The following SYT16 variants were observed in gnomAD, a reference collection of about 807,000 sequenced individuals.
SYT16 encodes the protein synaptotagmin 16.
In SYT16, 42 loss-of-function variants were observed where a neutral mutation model predicts 61.4. The ratio of observed to expected loss-of-function variants is 0.68; its 90% CI spans 0.53 to 0.89. SYT16 has a LOEUF of 0.89. Among genes scored for constraint, SYT16 ranks in the 40% least tolerant of loss-of-function variants. The pLI, the probability that SYT16 is intolerant of heterozygous loss-of-function variation, is 0.00. For missense variants in SYT16, 804 were observed against 807.3 expected, an observed-to-expected ratio of 1.00 and a Z score of 0.05; for synonymous variants, 314 against 302.3, an observed-to-expected ratio of 1.04 and a Z score of -0.40.
At chr14:62,064,334 GA>G (rs781727444) in intron 3 of SYT16, among the ~76,000 whole-genome samples, 2,298 of 42,966 alleles carry the variant, frequency 0.053, 8 homozygotes, top group Middle Eastern at 0.12. Flanking sequence ...CTTTAAATTT[GA>G]AAAAAAAAAA....
intron 1 of SYT16, among the ~76,000 whole-genome samples, chr14:61,966,795 T>C (rs1007306139): frequency 1.2e-4 from 18 of 152,238 alleles, no homozygotes; most frequent in African/African-American, 4.3e-4. Context: ...AATCATATCC[T>C]ATGTTGGTAG....
intron 3 of SYT16, among the ~76,000 whole-genome samples, chr14:62,017,542 T>C (rs2053739510): frequency 6.6e-6 from 1 of 152,200 alleles, no homozygotes; most frequent in Admixed American, 6.5e-5. Context: ...AGCAACTTCA[T>C]TCTTCTAGTT....
At chr14:62,091,686 C>T (rs1476442266) in intron 7 of SYT16, among the ~76,000 whole-genome samples, 3 of 152,064 alleles carry the variant, frequency 2.0e-5, no homozygotes, top group Non-Finnish European at 4.4e-5. Flanking sequence ...TTACCTAACA[C>T]CATATATAAA....
intron 4 of SYT16, among the ~76,000 whole-genome samples, chr14:62,073,709 CAT>C (rs2056381280): frequency 6.6e-6 from 1 of 151,972 alleles, no homozygotes; most frequent in Non-Finnish European, 1.5e-5. Flanking sequence ...TGGTTGATAA[CAT>C]ATTTTTAAAA....
chr14:61,936,069 TG>T, intron 1 of SYT16, among the ~76,000 whole-genome samples: 3 of 152,294 alleles, frequency 2.0e-5, no homozygotes, highest in Middle Eastern at 6.8e-3. Context: ...CTCTGAGATT[TG>T]AGATAAGTTT....
rs1056096378 is a variant in SYT16, at chr14:62,106,500, A to G, written c.*5793A>G. 6 of 152,334 alleles carry G rather than the reference A, an allele frequency of 3.9e-5. No individual in the cohort carries two copies. Among genetic ancestry groups the G allele is most frequent in the South Asian group, 2.1e-4 (1 of 4,820 alleles). 9.4% of individuals were successfully genotyped at this position (152,334 alleles called of 1,614,324 possible). A position where few individuals can be genotyped will look rare whatever the true frequency, so the allele number is the denominator to read the frequency against. On this transcript the variant is annotated 3_prime_UTR_variant, in exon 8 of 8. Coordinates refer to ENST00000683842, the MANE Select transcript of SYT16 (RefSeq NM_001367656.1). The stretch of plus-strand genomic sequence containing the variant: ...CTTGAAGTCTTGGTTCTGCTAAAGA[A>G]GAATGAGAGGACACCCATGAATATA...
intron 1 of SYT16, among the ~76,000 whole-genome samples, chr14:61,847,091 C>A (rs1348039599): frequency 1.3e-5 from 2 of 152,134 alleles, no homozygotes; most frequent in South Asian, 2.1e-4. Context: ...AGTTTACACA[C>A]CACAGTTAGA....
intron 7 of SYT16, among the ~76,000 whole-genome samples, chr14:62,097,401 A>G (rs997342663): frequency 6.6e-6 from 1 of 152,184 alleles, no homozygotes; most frequent in Non-Finnish European, 1.5e-5. Context: ...AGATTAAAAC[A>G]CAGCTTATTT....
chr14:61,842,676 CA>C (rs2046331403), intron 1 of SYT16, among the ~76,000 whole-genome samples: 1 of 148,968 alleles, frequency 6.7e-6, no homozygotes, highest in Non-Finnish European at 1.5e-5. Context: ...ATCGCAAGGA[CA>C]AAAAACCAAA....
intron 1 of SYT16, among the ~76,000 whole-genome samples, chr14:61,902,896 A>G (rs2048572698): frequency 6.6e-6 from 1 of 152,176 alleles, no homozygotes; most frequent in African/African-American, 2.4e-5. Flanking sequence ...GTATGGGGGA[A>G]ACTGCTCCCA....
chr14:61,912,254 A>G (rs1019684308), intron 1 of SYT16, among the ~76,000 whole-genome samples: 2 of 152,224 alleles, frequency 1.3e-5, no homozygotes, highest in African/African-American at 4.8e-5. Flanking sequence ...ATTATGCATG[A>G]AAAAGGGGGA....
At chr14:61,919,215 C>G (rs1388838882) in intron 1 of SYT16, among the ~76,000 whole-genome samples, 1 of 152,156 alleles carries the variant, frequency 6.6e-6, no homozygotes, top group Admixed American at 6.5e-5. Context: ...TGTTCCCTAC[C>G]CTGTCCCATT....
intron 4 of SYT16, among the ~76,000 whole-genome samples, chr14:62,070,721 T>A (rs1043376446): frequency 6.6e-6 from 1 of 152,162 alleles, no homozygotes; most frequent in African/African-American, 2.4e-5. Flanking sequence ...GTCTGTGAAG[T>A]GTATTTGGTA....
intron 3 of SYT16, among the ~76,000 whole-genome samples, chr14:62,050,695 G>T (rs2055237551): frequency 6.6e-6 from 1 of 152,176 alleles, no homozygotes; most frequent in South Asian, 2.1e-4. Flanking sequence ...CTAACAGTCA[G>T]GACCCTCAGC....
At position 61,885,634 on chromosome 14, in the gene SYT16, A is replaced by G. The variant is rs567631809; in HGVS notation, c.-325+72824A>G. Among the ~76,000 whole-genome samples the G allele has an allele frequency of 7.2e-5, 11 of 152,296 alleles. No homozygotes were observed. In the South Asian group the frequency reaches 1.2e-3, roughly 17 times the overall value. Reference sequence around the variant, plus strand: ...GTCTTACTTGATAGATATTATTTCTATTTACAGGCTTACTTTGGAGATATT... The same window carrying G: ...GTCTTACTTGATAGATATTATTTCTGTTTACAGGCTTACTTTGGAGATATT... On this transcript the variant is annotated intron_variant, in intron 1 of 7. Coordinates refer to ENST00000683842, the MANE Select transcript of SYT16 (RefSeq NM_001367656.1).
At chr14:61,992,337 T>G (rs1370095385) in intron 2 of SYT16, among the ~76,000 whole-genome samples, 1 of 152,120 alleles carries the variant, frequency 6.6e-6, no homozygotes, top group Admixed American at 6.6e-5. Context: ...CATAGGACTT[T>G]ACAGCGAGGA....
At chr14:61,867,259 G>A (rs2047188100) in intron 1 of SYT16, among the ~76,000 whole-genome samples, 1 of 151,728 alleles carries the variant, frequency 6.6e-6, no homozygotes, top group Non-Finnish European at 1.5e-5. Flanking sequence ...GTCAATTTTA[G>A]AATTAACTCA....
chr14:62,012,974 G>T (rs2053528140), intron 3 of SYT16, among the ~76,000 whole-genome samples: 2 of 152,154 alleles, frequency 1.3e-5, no homozygotes, highest in African/African-American at 4.8e-5. Context: ...TGGTTTTGTA[G>T]ATCACTTCAG....
intron 2 of SYT16, among the ~76,000 whole-genome samples, chr14:61,986,413 A>G (rs917331818): frequency 6.6e-6 from 1 of 150,652 alleles, no homozygotes; most frequent in East Asian, 1.9e-4. Flanking sequence ...TATTATTAGA[A>G]CAGGTACTTT....
Sources: allele counts gnomAD v4.1 joint callset (sites outside exome capture counted in the v4.1 genomes callset), GRCh38; gene constraint gnomAD v4.1.1; transcripts MANE v1.5; gene names NCBI Gene and HGNC (gene_info 2026-07-23, HGNC 2026-07-21).